Variants in PKDCC observed in about 807,000 individuals in gnomAD.
PKDCC encodes protein kinase domain containing, cytoplasmic, also known as extracellular tyrosine-protein kinase PKDCC.
In PKDCC, 35 loss-of-function variants were observed where a neutral mutation model predicts 44.7. That is an observed-to-expected ratio of 0.78 (90% CI 0.60 to 1.04). The LOEUF (loss-of-function observed/expected upper bound fraction) is 1.04. PKDCC is among the 50% of genes least tolerant of loss of function. The pLI is 0.00. For synonymous variants in PKDCC, 353 were observed against 303.3 expected (o/e 1.16, Z -1.70); for missense variants, 738 against 672.7 (o/e 1.10, Z -1.07).
At chr2:42,053,470 A>G in intron 2 of PKDCC, 109 bp downstream of exon 2, 1 of 1,427,608 alleles carries the variant, frequency 7.0e-7, no homozygotes, top group Non-Finnish European at 9.4e-7. Flanking sequence ...AGGGAGAGGG[A>G]GGGGAGGAAG....
intron 1 of PKDCC, among the ~76,000 whole-genome samples, chr2:42,050,263 C>G (rs1223977129): frequency 6.6e-6 from 1 of 152,188 alleles, no homozygotes; most frequent in Non-Finnish European, 1.5e-5. Flanking sequence ...CCCCTGGTTA[C>G]GTGGCCATTC....
intron 1 of PKDCC, among the ~76,000 whole-genome samples, chr2:42,049,808 C>T (rs1167854129): frequency 6.6e-6 from 1 of 152,160 alleles, no homozygotes. Flanking sequence ...CAGACTATTC[C>T]CTTTGCACAT....
Position 42,048,732 on chromosome 2 carries a change from G to T in PKDCC, c.533G>T (p.Cys178Phe). 6.4e-7 allele frequency: 1 copy of T among 1,569,980 alleles called. No homozygotes were observed. The part of the protein sequence containing the change: ...VDFSGHDLGS[C>F]VREFGVRRGC... ...TTTAGCGGCCACGATCTGGGCAGCT[G>T]CGTGCGCGAGTTCGGGGTACGGAGG... is the stretch of plus-strand genomic sequence containing the variant. Residue 178 changes from cysteine (C) to phenylalanine (F), a missense_variant, in exon 1 of 7, where the codon TGC becomes TTC. Coordinates refer to ENST00000294964, the MANE Select transcript of PKDCC (RefSeq NM_138370.3). This position sits in a 1 kb window ranked among gnomAD's most constrained non-coding sequence, Gnocchi z 6.2.
chr2:42,048,661 G>T lies in PKDCC; in HGVS notation c.462G>T (p.Arg154=), dbSNP rs543192059. ...CAGGCTACACCAAGGCCGTGTACCG[G>T]GTCCGCCTGCCCGGCGGTGCCGCGG... ...MGSGYTKAVY[R]VRLPGGAAVA... is the part of the protein sequence containing the mutation. Residue 154 remains arginine, a synonymous_variant, in exon 1 of 7, where the codon CGG becomes CGT. Coordinates refer to ENST00000294964, the MANE Select transcript of PKDCC (RefSeq NM_138370.3). This position sits in a 1 kb window ranked among gnomAD's most constrained non-coding sequence, Gnocchi z 6.2. The T allele has an allele frequency of 1.6e-5, 24 of 1,545,902 alleles. No individual in the cohort carries two copies. In the South Asian group the frequency reaches 2.5e-4, roughly 16 times the overall value.
rs1667914974 is a variant in PKDCC at position 42,048,682 on chromosome 2, C to T, written c.483C>T (p.Ala161=). Reference sequence around the variant, plus strand: ...ACCGGGTCCGCCTGCCCGGCGGTGCCGCGGTGGCGCTCAAGGCGGTGGACT... The same window carrying T: ...ACCGGGTCCGCCTGCCCGGCGGTGCTGCGGTGGCGCTCAAGGCGGTGGACT... The part of the protein sequence containing the change: ...AVYRVRLPGG[A]AVALKAVDFS... The change falls in exon 1 of 7, where the codon GCC becomes GCT. Residue 161 remains alanine (A), a synonymous_variant. Transcript: ENST00000294964. The surrounding 1 kb of genome is among the most constrained non-coding windows in gnomAD (Gnocchi z 6.2). 6.5e-7 allele frequency: 1 copy of T among 1,548,718 alleles called. No homozygotes were observed. Among genetic ancestry groups the T allele is most frequent in the Admixed American group, 2.0e-5 (1 of 51,056 alleles).
chr2:42,057,188 G>T, intron 5 of PKDCC, 33 bp from the exon 6 acceptor site: 1 of 1,609,734 alleles, frequency 6.2e-7, no homozygotes, highest in Non-Finnish European at 8.5e-7. Flanking sequence ...TGGGCATACA[G>T]AATTCTCATT....
Position 42,048,436 on chromosome 2 carries a change from G to T in PKDCC, c.237G>T (p.Ala79=), listed in dbSNP as rs1367785615. The part of the protein sequence containing the change: ...RYSRGGPGPG[A]GRPERRRLMD... ...CCCGCGGGGGCCCCGGGCCCGGGGC[G>T]GGCCGGCCGGAGCGGCGGCGCCTGA... The change falls in exon 1 of 7, where the codon GCG becomes GCT. Residue 79 remains alanine (A), a synonymous_variant. Coordinates refer to ENST00000294964, the MANE Select transcript of PKDCC (RefSeq NM_138370.3). This position sits in a 1 kb window ranked among gnomAD's most constrained non-coding sequence, Gnocchi z 6.2. 1.8e-6 allele frequency: 2 copies of T among 1,114,368 alleles called. No homozygotes were observed. The highest frequency in any genetic ancestry group is 1.0e-4 in the Admixed American group (2 of 19,760). The allele number at this position is 1,114,368 out of a possible 1,614,324, so 69.0% of individuals were successfully genotyped here.
At position 42,048,358 on chromosome 2, in the gene PKDCC, C is replaced by CG; in HGVS notation, c.163dup (p.Glu55GlyfsTer117). ...CGGGTCCGGGCCGTCGCGGGGGCCG[C>CG]GGGGAGCTGGCCCGGCAGATCCGGG... On this transcript the variant is annotated frameshift_variant, in exon 1 of 7. Coordinates refer to ENST00000294964, the MANE Select transcript of PKDCC (RefSeq NM_138370.3). LOFTEE classifies it high-confidence loss of function. The surrounding 1 kb of genome is among the most constrained non-coding windows in gnomAD (Gnocchi z 6.2). 1 of 1,154,446 alleles carries CG rather than the reference C, an allele frequency of 8.7e-7. No homozygotes were observed. The allele number at this position is 1,154,446 out of a possible 1,614,324, so 71.5% of individuals were successfully genotyped here.
chr2:42,054,592 C>T lies in PKDCC; in HGVS notation c.1034+285C>T, dbSNP rs1668022859. The T allele has an allele frequency of 3.7e-6, 2 of 540,766 alleles. No individual in the cohort carries two copies. Among genetic ancestry groups the T allele is most frequent in the Non-Finnish European group, 6.5e-6 (2 of 305,470 alleles). The allele number at this position is 540,766 out of a possible 1,614,324, so 33.5% of individuals were successfully genotyped here. On this transcript the variant is annotated intron_variant, in intron 3 of 6. Coordinates refer to ENST00000294964, the MANE Select transcript of PKDCC (RefSeq NM_138370.3). This position sits in a 1 kb window ranked among gnomAD's most constrained non-coding sequence, Gnocchi z 6.1. The stretch of plus-strand genomic sequence containing the variant: ...CTGGTGGAACTGGCACTTTTCCCTT[C>T]CCACCCAGGCCCTTGTGCTCTGGGA...
chr2:42,051,048 T>C lies in PKDCC; in HGVS notation c.640-2191T>C, dbSNP rs778268629. On this transcript the variant is annotated intron_variant, in intron 1 of 6. Coordinates refer to ENST00000294964, the MANE Select transcript of PKDCC (RefSeq NM_138370.3). This position sits in a 1 kb window ranked among gnomAD's most constrained non-coding sequence, Gnocchi z 4.2. ...GAACTGGGGAGGAGTTAGAGAACAT[T>C]TCTAGAGTTCCTAGTGGTGCAGGCT... 3.3e-5 allele frequency among the ~76,000 whole-genome samples: 5 copies of C among 152,196 alleles called. No homozygotes were observed. The highest frequency in any genetic ancestry group is 1.5e-5 in the Non-Finnish European group (1 of 67,986).
Position 42,054,473 on chromosome 2 carries a change from GGA to G in PKDCC, c.1034+170_1034+171del, listed in dbSNP as rs1289348823. ...AGAAGGGAACATTCAGGCCTCTGAT[GGA>G]GAGGCTAAAAATAGACAGCTCCAAG... is the stretch of plus-strand genomic sequence containing the variant. On this transcript the variant is annotated intron_variant, in intron 3 of 6. Coordinates refer to ENST00000294964, the MANE Select transcript of PKDCC (RefSeq NM_138370.3). This position sits in a 1 kb window ranked among gnomAD's most constrained non-coding sequence, Gnocchi z 6.1. 1.8e-5 allele frequency: 15 copies of G among 814,082 alleles called. No individual in the cohort carries two copies. The highest frequency in any genetic ancestry group is 7.4e-4 in the Middle Eastern group (2 of 2,700). 50.4% of individuals were successfully genotyped at this position (814,082 alleles called of 1,614,324 possible).
chr2:42,057,358 C>A lies in PKDCC; in HGVS notation c.1360C>A (p.Arg454=). 6.2e-7 allele frequency: 1 copy of A among 1,614,164 alleles called. No homozygotes were observed. The highest frequency in any genetic ancestry group is 1.1e-5 in the South Asian group (1 of 91,064). Residue 454 remains arginine (R), a synonymous_variant, in exon 6 of 7, where the codon CGG becomes AGG. Coordinates refer to ENST00000294964, the MANE Select transcript of PKDCC (RefSeq NM_138370.3). ...VDVCESHAQC[R]AFVVTNQTTW... ...TGTCTGTGAGAGCCATGCCCAGTGT[C>A]GGGCCTTTGTGGTCACCAACCAGAC... is the stretch of plus-strand genomic sequence containing the variant.
intron 1 of PKDCC, 44 bp from the exon 2 acceptor site, chr2:42,053,195 A>G: frequency 1.4e-6 from 1 of 724,828 alleles, no homozygotes; most frequent in Non-Finnish European, 2.0e-6. Flanking sequence ...CCCTGTCCCC[A>G]CCCCCACCCT....
In PKDCC at chr2:42,055,707, C is replaced by T. The variant is rs1558433117; in HGVS notation, c.1222+314C>T. The T allele has an allele frequency of 3.6e-6, 1 of 278,658 alleles. No homozygotes were observed. The highest frequency in any genetic ancestry group is 6.8e-6 in the Non-Finnish European group (1 of 147,504). The allele number at this position is 278,658 out of a possible 1,614,324, so 17.3% of individuals were successfully genotyped here. A position where few individuals can be genotyped will look rare whatever the true frequency, so the allele number is the denominator to read the frequency against. ...CAAGTTACCCCTTGAACCTCACTTTCCTCATCTGTGAATTGGGTTCACTAT... is the reference window on the plus strand; with the variant it reads ...CAAGTTACCCCTTGAACCTCACTTTTCTCATCTGTGAATTGGGTTCACTAT... On this transcript the variant is annotated intron_variant, in intron 5 of 6. Coordinates refer to ENST00000294964, the MANE Select transcript of PKDCC (RefSeq NM_138370.3). The surrounding 1 kb of genome is among the most constrained non-coding windows in gnomAD (Gnocchi z 4.5).
At chr2:42,057,425 AGAT>A in intron 6 of PKDCC, 31 bp downstream of exon 6, 1 of 1,613,312 alleles carries the variant, frequency 6.2e-7, no homozygotes, top group Non-Finnish European at 8.5e-7. Context: ...CTTCCAAGGG[AGAT>A]GGCAGGACCT....
In PKDCC at chr2:42,048,092, TG is replaced by T; in HGVS notation, c.-105del. The T allele has an allele frequency of 1.7e-6, 1 of 580,020 alleles. No homozygotes were observed. The highest frequency in any genetic ancestry group is 2.0e-6 in the Non-Finnish European group (1 of 496,936). The allele number at this position is 580,020 out of a possible 1,614,324, so 35.9% of individuals were successfully genotyped here. ...GGCCGCCGGGGCCATGCGCGCGGGC[TG>T]GGCAGGGGGCCGGCGGGGCGCAGAG... On this transcript the variant is annotated 5_prime_UTR_variant, in exon 1 of 7. An upstream open reading frame in the 5' UTR loses its in-frame stop. Coordinates refer to ENST00000294964, the MANE Select transcript of PKDCC (RefSeq NM_138370.3). The surrounding 1 kb of genome is among the most constrained non-coding windows in gnomAD (Gnocchi z 6.2).
Position 42,051,125 on chromosome 2 carries a change from G to GA in PKDCC, c.640-2110dup, listed in dbSNP as rs920760314. On this transcript the variant is annotated intron_variant, in intron 1 of 6. Coordinates refer to ENST00000294964, the MANE Select transcript of PKDCC (RefSeq NM_138370.3). This position sits in a 1 kb window ranked among gnomAD's most constrained non-coding sequence, Gnocchi z 4.2. Reference sequence around the variant, plus strand: ...AGAATTGGTGCTGTGGATTCTAATAGAAAATGCCCAGGCTAGCAGGCCCCA... The same window carrying GA: ...AGAATTGGTGCTGTGGATTCTAATAGAAAAATGCCCAGGCTAGCAGGCCCCA... Among the ~76,000 whole-genome samples, 1 of 152,088 alleles carries GA rather than the reference G, an allele frequency of 6.6e-6. No individual in the cohort carries two copies. The highest frequency in any genetic ancestry group is 1.5e-5 in the Non-Finnish European group (1 of 67,992).
At chr2:42,057,117 A>C in intron 5 of PKDCC, 104 bp from the exon 6 acceptor site, 1 of 1,355,904 alleles carries the variant, frequency 7.4e-7, no homozygotes, top group South Asian at 1.3e-5. Context: ...TTCAGCTTTC[A>C]CCTAGGAAAT....
Position 42,048,557 on chromosome 2 carries a change from G to T in PKDCC, c.358G>T (p.Gly120Cys). 1 of 1,286,426 alleles carries T rather than the reference G, an allele frequency of 7.8e-7. No homozygotes were observed. The highest frequency in any genetic ancestry group is 9.8e-7 in the Non-Finnish European group (1 of 1,024,952). 79.7% of individuals were successfully genotyped at this position (1,286,426 alleles called of 1,614,324 possible). The stretch of plus-strand genomic sequence containing the variant: ...CGCCCCAGGCTGGCCCCCGGCTCCC[G>T]GCCCAGGCTCCCCCGGCCCGGGCCC... ...DGAPGWPPAP[G>C]PGSPGPGPRL... is the part of the protein sequence containing the mutation. The change falls in exon 1 of 7, where the codon GGC becomes TGC. Residue 120 changes from glycine (G) to cysteine (C), a missense_variant. Physicochemically the swap from Gly to Cys is radical, Grantham distance 159 (BLOSUM62 -3). Coordinates refer to ENST00000294964, the MANE Select transcript of PKDCC (RefSeq NM_138370.3). The surrounding 1 kb of genome is among the most constrained non-coding windows in gnomAD (Gnocchi z 6.2).
Sources: allele counts gnomAD v4.1 joint callset (sites outside exome capture counted in the v4.1 genomes callset), GRCh38; gene constraint gnomAD v4.1.1; non-coding constraint Gnocchi (gnomAD v3.1); transcripts MANE v1.5; gene names NCBI Gene and HGNC (gene_info 2026-07-23, HGNC 2026-07-21).